PLCG2: variants seen among roughly 807,000 people sequenced by gnomAD.
PLCG2 encodes phospholipase C gamma 2, also known as 1-phosphatidylinositol 4,5-bisphosphate phosphodiesterase gamma-2.
PLCG2 carries 69 observed loss-of-function variants against 175.6 expected under a neutral mutation model. That is an observed-to-expected ratio of 0.39 (90% CI 0.32 to 0.48). The LOEUF (loss-of-function observed/expected upper bound fraction) is 0.48. PLCG2 is among the 20% of genes least tolerant of loss of function. The pLI is 0.91. For synonymous variants in PLCG2, 827 were observed against 624.0 expected (o/e 1.33, Z -4.85); for missense variants, 1,798 against 1,650.9 (o/e 1.09, Z -1.54).
chr16:81,865,096 C>T (rs1374671593), intron 5 of PLCG2, among the ~76,000 whole-genome samples: 1 of 152,150 alleles, frequency 6.6e-6, no homozygotes, highest in Non-Finnish European at 1.5e-5. Flanking sequence ...CAACCATGGC[C>T]TGGGCACACC....
chr16:81,943,935 T>A (rs920960589), intron 30 of PLCG2, among the ~76,000 whole-genome samples: 11 of 152,166 alleles, frequency 7.2e-5, no homozygotes, highest in Admixed American at 1.3e-4. Context: ...ATGGATGCTC[T>A]CAAACATGCA....
intron 2 of PLCG2, among the ~76,000 whole-genome samples, chr16:81,826,286 G>A (rs1369784962): frequency 6.6e-6 from 1 of 152,122 alleles, no homozygotes; most frequent in Admixed American, 6.5e-5. Context: ...CCACGGCAAG[G>A]CTCCAGGATC....
In PLCG2 at chr16:81,961,101, A is replaced by T. The variant is rs1473331146; in HGVS notation, c.*3103A>T. On this transcript the variant is annotated 3_prime_UTR_variant, in exon 33 of 33. Coordinates refer to ENST00000564138, the MANE Select transcript of PLCG2 (RefSeq NM_002661.5). The stretch of plus-strand genomic sequence containing the variant: ...TTCCAAGTTTTTCTGGTGGTTCCAA[A>T]TTTTTTGCTTTCAACAAAGTGGGAG... The T allele has an allele frequency of 4.3e-6, 1 of 231,192 alleles. No homozygotes were observed. Among genetic ancestry groups the T allele is most frequent in the East Asian group, 6.1e-5 (1 of 16,278 alleles). The allele number at this position is 231,192 out of a possible 1,614,324, so 14.3% of individuals were successfully genotyped here. A position where few individuals can be genotyped will look rare whatever the true frequency, so the allele number is the denominator to read the frequency against.
intron 17 of PLCG2, among the ~76,000 whole-genome samples, chr16:81,909,753 A>C (rs1909535532): frequency 6.6e-6 from 1 of 152,152 alleles, no homozygotes; most frequent in South Asian, 2.1e-4. Flanking sequence ...AATCCTGGAC[A>C]CCTAAATGAT....
rs1555508066 is a variant in PLCG2, at chr16:81,805,767, G to GTTTTGTTT, written c.193+19589_193+19590insGTTTTTTT. On this transcript the variant is annotated intron_variant, in intron 2 of 32. Transcript: ENST00000564138. ...AGCCATGAGAGTAGTGTTTTGTTTT[G>GTTTTGTTT]TTTTTTTTTTTTTTTGTTTTTTTTT... is the stretch of plus-strand genomic sequence containing the variant. 1.8e-3 allele frequency among the ~76,000 whole-genome samples: 71 copies of GTTTTGTTT among 39,372 alleles called. 6 individuals are homozygous for GTTTTGTTT. The highest frequency in any genetic ancestry group is 2.4e-3 in the Non-Finnish European group (44 of 18,662). The allele number at this position is 39,372 out of a possible 152,430, so 25.8% of individuals were successfully genotyped here.
At chr16:81,811,456 G>C (rs531731078) in intron 2 of PLCG2, among the ~76,000 whole-genome samples, 1 of 152,232 alleles carries the variant, frequency 6.6e-6, no homozygotes, top group Admixed American at 6.5e-5. Flanking sequence ...ACTGGTTTCA[G>C]GATGATGTTT....
At chr16:81,739,985 A>G (rs1909549080) in intron 1 of PLCG2, among the ~76,000 whole-genome samples, 1 of 113,122 alleles carries the variant, frequency 8.8e-6, no homozygotes, top group Admixed American at 9.1e-5. Flanking sequence ...TAAAAGTACA[A>G]AAATTAGCTG....
chr16:81,844,908 C>T (rs898204515), intron 2 of PLCG2, among the ~76,000 whole-genome samples: 1 of 152,160 alleles, frequency 6.6e-6, no homozygotes, highest in Non-Finnish European at 1.5e-5. Flanking sequence ...TTAATGTTCA[C>T]AGCAAATAAA....
intron 2 of PLCG2, among the ~76,000 whole-genome samples, chr16:81,816,301 A>G (rs114992826): frequency 1.3e-5 from 2 of 151,964 alleles, no homozygotes; most frequent in African/African-American, 4.8e-5. Context: ...AACCTGGGAG[A>G]TGGAAGTTAC....
At chr16:81,926,950 G>C (rs1910298759) in intron 22 of PLCG2, 132 bp from the exon 23 acceptor site, 1 of 677,298 alleles carries the variant, frequency 1.5e-6, no homozygotes, top group Non-Finnish European at 2.7e-6. Flanking sequence ...GTCACAGATA[G>C]TGACACTGGT....
intron 7 of PLCG2, among the ~76,000 whole-genome samples, chr16:81,879,993 T>C (rs555215253): frequency 6.6e-6 from 1 of 152,200 alleles, no homozygotes; most frequent in Non-Finnish European, 1.5e-5. Context: ...TAATCCCAGC[T>C]ACTGAGGGGG....
At chr16:81,932,957 A>G (rs3813011) in intron 25 of PLCG2, among the ~76,000 whole-genome samples, 123,209 of 152,172 alleles carry the variant, frequency 0.81, 49,911 homozygotes, top group Admixed American at 0.86. Flanking sequence ...AGGCACAGGG[A>G]GGTGCCACGA....
chr16:81,908,528 A>C lies in PLCG2; in HGVS notation c.1670A>C (p.Lys557Thr). Reference protein sequence around the residue: ...LQEYCMETGGKDGTFLVRESE... With the variant: ...LQEYCMETGGTDGTFLVRESE... ...GAATACTGCATGGAGACGGGGGGCA[A>C]GGATGGCACCTTCCTGGTTCGGGAG... The change falls in exon 17 of 33, where the codon AAG becomes ACG. Residue 557 changes from lysine to threonine, a missense_variant. Coordinates refer to ENST00000564138, the MANE Select transcript of PLCG2 (RefSeq NM_002661.5). The C allele has an allele frequency of 6.2e-7, 1 of 1,613,800 alleles. No homozygotes were observed. Among genetic ancestry groups the C allele is most frequent in the Non-Finnish European group, 8.5e-7 (1 of 1,180,004 alleles).
chr16:81,802,636 A>G (rs563906757), intron 2 of PLCG2, among the ~76,000 whole-genome samples: 1 of 151,764 alleles, frequency 6.6e-6, no homozygotes, highest in Non-Finnish European at 1.5e-5. Flanking sequence ...CAGTGGCGCA[A>G]TCTCAGCTCA....
At chr16:81,791,056 T>G (rs9923424) in intron 2 of PLCG2, among the ~76,000 whole-genome samples, 4 of 152,178 alleles carry the variant, frequency 2.6e-5, no homozygotes, top group Non-Finnish European at 2.9e-5. Context: ...TTGGATGGAA[T>G]TTTCTCATTT....
At chr16:81,775,711 C>G (rs571458000), upstream of PLCG2, among the ~76,000 whole-genome samples, 2 of 152,292 alleles carry the variant, frequency 1.3e-5, no homozygotes, top group Admixed American at 6.5e-5. Context: ...TACAAAGAGT[C>G]AAGATGATTC....
chr16:81,854,574 G>T lies in PLCG2; in HGVS notation c.324G>T (p.Thr108=). Residue 108 remains threonine (T), a synonymous_variant, in exon 3 of 33, where the codon ACG becomes ACT. Transcript: ENST00000564138. ...ATGGCACTCAGTTCGTCCTCAGCAC[G>T]CTCAGCTTGGCAGGTAGGTGCATGT... The part of the protein sequence containing the change: ...ILYGTQFVLS[T]LSLAADSKED... 6.2e-7 allele frequency: 1 copy of T among 1,613,674 alleles called. No individual in the cohort carries two copies.
intron 2 of PLCG2, among the ~76,000 whole-genome samples, chr16:81,816,992 A>G (rs1488360461): frequency 6.6e-6 from 1 of 151,954 alleles, no homozygotes; most frequent in Non-Finnish European, 1.5e-5. Flanking sequence ...TTACCCATTT[A>G]TTGCCCAGAA....
chr16:81,835,409 A>G (rs1305285017), intron 2 of PLCG2, among the ~76,000 whole-genome samples: 1 of 151,940 alleles, frequency 6.6e-6, no homozygotes, highest in Non-Finnish European at 1.5e-5. Flanking sequence ...CAGCCTGGCC[A>G]ACATGGCGAA....
Sources: gnomAD v4.1 joint callset for allele counts (sites outside exome capture counted in the v4.1 genomes callset) on GRCh38, gnomAD v4.1.1 for gene constraint, MANE v1.5 for transcripts, NCBI Gene and HGNC (gene_info 2026-07-23, HGNC 2026-07-21) for gene names.